Variants in SLC44A1 observed in about 807,000 individuals in gnomAD.
SLC44A1 encodes the protein solute carrier family 44 member 1.
A neutral mutation model predicts 79.3 loss-of-function variants in SLC44A1; 26 were observed. The ratio of observed to expected loss-of-function variants is 0.33; its 90% CI spans 0.24 to 0.46. The LOEUF is 0.46. Among genes scored for constraint, SLC44A1 ranks in the 20% least tolerant of loss-of-function variants. The pLI, the probability that SLC44A1 is intolerant of heterozygous loss-of-function variation, is 1.00. For missense variants in SLC44A1, 688 were observed against 798.1 expected (o/e 0.86, Z 1.66); for synonymous variants, 263 against 286.2 (o/e 0.92, Z 0.82).
At chr9:105,380,940 A>G (rs771696994) in intron 13 of SLC44A1, among the ~76,000 whole-genome samples, 2 of 152,190 alleles carry the variant, frequency 1.3e-5, no homozygotes, top group African/African-American at 2.4e-5. Flanking sequence ...GAATAAGTGC[A>G]TAACACTCTT....
At chr9:105,381,326 G>C (rs1427633864) in intron 13 of SLC44A1, among the ~76,000 whole-genome samples, 1 of 151,964 alleles carries the variant, frequency 6.6e-6, no homozygotes, top group African/African-American at 2.4e-5. Flanking sequence ...GATCACCTGA[G>C]GTCAGGAGAT....
intron 8 of SLC44A1, among the ~76,000 whole-genome samples, chr9:105,361,570 A>G: frequency 6.6e-6 from 1 of 152,218 alleles, no homozygotes. Context: ...ATTTTCACCT[A>G]GAATATTTAC....
intron 15 of SLC44A1, among the ~76,000 whole-genome samples, chr9:105,430,285 A>T (rs1045528523): frequency 2.0e-5 from 3 of 152,238 alleles, no homozygotes; most frequent in Non-Finnish European, 4.4e-5. Context: ...TTAAGATATC[A>T]TTAACATATC....
intron 1 of SLC44A1, among the ~76,000 whole-genome samples, chr9:105,268,880 T>C (rs1390960925): frequency 6.6e-6 from 1 of 152,224 alleles, no homozygotes; most frequent in Non-Finnish European, 1.5e-5. Context: ...TTCTTAATGT[T>C]GCCTTATGTT....
intron 1 of SLC44A1, among the ~76,000 whole-genome samples, chr9:105,298,350 G>A (rs1244400055): frequency 6.6e-6 from 1 of 151,060 alleles, no homozygotes; most frequent in Non-Finnish European, 1.5e-5. Context: ...TGTTGTTGTT[G>A]TTGTTGTTTG....
At chr9:105,384,309 T>C (rs1334551821) in intron 14 of SLC44A1, among the ~76,000 whole-genome samples, 8 of 151,994 alleles carry the variant, frequency 5.3e-5, no homozygotes, top group Non-Finnish European at 8.8e-5. Flanking sequence ...GCCTCCCAAA[T>C]AGCTGGGATT....
At chr9:105,398,370 GAAT>G (rs1828913632), downstream of SLC44A1, among the ~76,000 whole-genome samples, 1 of 152,178 alleles carries the variant, frequency 6.6e-6, no homozygotes, top group African/African-American at 2.4e-5. Flanking sequence ...AGTTGTTACA[GAAT>G]AATCGTGAGG....
intron 4 of SLC44A1, among the ~76,000 whole-genome samples, chr9:105,344,750 C>T (rs566230587): frequency 2.0e-5 from 3 of 152,034 alleles, no homozygotes; most frequent in Admixed American, 6.6e-5. Flanking sequence ...TTCGAGTTCT[C>T]AAAGAGTTTG....
At chr9:105,374,845 C>T (rs1828227253) in intron 13 of SLC44A1, 110 bp downstream of exon 13, 21 of 782,116 alleles carry the variant, frequency 2.7e-5, no homozygotes, top group Middle Eastern at 2.9e-4. Context: ...TAATATATAG[C>T]GAGTACTTAG....
intron 5 of SLC44A1, among the ~76,000 whole-genome samples, chr9:105,350,701 A>G (rs537803370): frequency 4.4e-4 from 67 of 152,248 alleles, no homozygotes; most frequent in South Asian, 2.1e-3. Flanking sequence ...AAGTTTCCTC[A>G]TGTGTGAAGT....
chr9:105,332,229 C>A (rs1826775584), intron 3 of SLC44A1, among the ~76,000 whole-genome samples: 4 of 150,960 alleles, frequency 2.6e-5, no homozygotes, highest in Admixed American at 2.6e-4. Context: ...AAGCGATTCT[C>A]CTGCCTCAGC....
intron 13 of SLC44A1, among the ~76,000 whole-genome samples, chr9:105,379,898 T>C (rs1828409305): frequency 6.6e-6 from 1 of 152,222 alleles, no homozygotes; most frequent in Non-Finnish European, 1.5e-5. Context: ...TATCTTCTAG[T>C]TGACAATTTA....
chr9:105,363,127 C>A, intron 9 of SLC44A1, 120 bp downstream of exon 9: 2 of 762,108 alleles, frequency 2.6e-6, no homozygotes, highest in Non-Finnish European at 4.3e-6. Context: ...GCCATCAGAA[C>A]TTGTAGTGGT....
chr9:105,246,827 A>C (rs1394564089), intron 1 of SLC44A1, among the ~76,000 whole-genome samples: 1 of 152,192 alleles, frequency 6.6e-6, no homozygotes. Context: ...TTTAAAACCG[A>C]TAGTGGGTCT....
At chr9:105,373,798 C>T (rs961941879) in intron 12 of SLC44A1, among the ~76,000 whole-genome samples, 3 of 152,208 alleles carry the variant, frequency 2.0e-5, no homozygotes, top group African/African-American at 7.2e-5. Flanking sequence ...CAAACCCTCA[C>T]ACCTTCAAGA....
At chr9:105,363,516 G>A (rs1008330055) in intron 9 of SLC44A1, among the ~76,000 whole-genome samples, 1 of 150,940 alleles carries the variant, frequency 6.6e-6, no homozygotes, top group Non-Finnish European at 1.5e-5. Flanking sequence ...ACAAACTGGA[G>A]TGCAGTGGTG....
At chr9:105,421,246 A>T (rs1829245015) in intron 15 of SLC44A1, among the ~76,000 whole-genome samples, 1 of 152,196 alleles carries the variant, frequency 6.6e-6, no homozygotes, top group South Asian at 2.1e-4. Context: ...TTGCTCCTGG[A>T]ACAGCTATCA....
chr9:105,264,393 T>G (rs947599544), intron 1 of SLC44A1, among the ~76,000 whole-genome samples: 3 of 152,178 alleles, frequency 2.0e-5, no homozygotes, highest in African/African-American at 4.8e-5. Flanking sequence ...TCTCAAACTC[T>G]GGGGCTCAAG....
At chr9:105,326,294 T>C (rs10991624) in intron 3 of SLC44A1, among the ~76,000 whole-genome samples, 20,434 of 152,140 alleles carry the variant, frequency 0.13, 2,778 homozygotes, top group African/African-American at 0.35. Context: ...TAGTCTCAAA[T>C]TCCTGGCCTC....
Sources: allele counts gnomAD v4.1 joint callset (sites outside exome capture counted in the v4.1 genomes callset), GRCh38; gene constraint gnomAD v4.1.1; transcripts MANE v1.5; gene names NCBI Gene and HGNC (gene_info 2026-07-23, HGNC 2026-07-21).